The following PARD3 variants were observed in gnomAD, a reference collection of about 807,000 sequenced individuals.
The protein encoded by PARD3 is par-3 family cell polarity regulator, also known as partitioning defective 3 homolog.
In PARD3, 75 loss-of-function variants were observed where a neutral mutation model predicts 155.4. The ratio of observed to expected loss-of-function variants is 0.48; its 90% CI spans 0.40 to 0.58. The LOEUF (loss-of-function observed/expected upper bound fraction) is 0.58. Among genes scored for constraint, PARD3 ranks in the 20% least tolerant of loss-of-function variants. The pLI, the probability that PARD3 is intolerant of heterozygous loss-of-function variation, is 0.00. For synonymous variants in PARD3, 576 were observed against 610.5 expected (o/e 0.94, Z 0.83); for missense variants, 1,642 against 1,721.7 (o/e 0.95, Z 0.82).
chr10:34,368,533 A>C (rs1423582105), intron 12 of PARD3, among the ~76,000 whole-genome samples: 1 of 151,932 alleles, frequency 6.6e-6, no homozygotes, highest in Non-Finnish European at 1.5e-5. Flanking sequence ...TTAGCCAGGC[A>C]TGGTGGCGGG....
intron 2 of PARD3, among the ~76,000 whole-genome samples, chr10:34,557,497 G>A (rs914485139): frequency 4.0e-5 from 6 of 150,170 alleles, no homozygotes; most frequent in African/African-American, 1.5e-4. Context: ...TTGTTTTTTT[G>A]AGATGGAGTT....
intron 20 of PARD3, among the ~76,000 whole-genome samples, chr10:34,301,520 C>G (rs1366104548): frequency 6.6e-6 from 1 of 152,074 alleles, no homozygotes; most frequent in East Asian, 1.9e-4. Context: ...CTCTGGCCAC[C>G]TTCTATTACT....
intron 20 of PARD3, among the ~76,000 whole-genome samples, chr10:34,288,915 C>G (rs1441823238): frequency 6.6e-6 from 1 of 152,152 alleles, no homozygotes; most frequent in Non-Finnish European, 1.5e-5. Flanking sequence ...ACACTGGTAC[C>G]TCAGGAAGAA....
At chr10:34,240,185 A>G (rs1288227998) in intron 22 of PARD3, among the ~76,000 whole-genome samples, 1 of 152,236 alleles carries the variant, frequency 6.6e-6, no homozygotes. Flanking sequence ...ATGAAAGATC[A>G]TGCAGCCACT....
At chr10:34,577,290 G>C (rs557338011) in intron 2 of PARD3, among the ~76,000 whole-genome samples, 4 of 152,234 alleles carry the variant, frequency 2.6e-5, no homozygotes, top group African/African-American at 9.6e-5. Flanking sequence ...CAGAGTTTTA[G>C]CAAATGATGC....
intron 2 of PARD3, among the ~76,000 whole-genome samples, chr10:34,531,748 CTT>C (rs1281223806): frequency 6.6e-6 from 1 of 152,138 alleles, no homozygotes; most frequent in Non-Finnish European, 1.5e-5. Context: ...AATGTCATGA[CTT>C]TTCTCTCCTT....
rs771744323 is a variant in PARD3 at position 34,331,076 on chromosome 10, T to C, written c.2833+41A>G. ...CTGGAGCTCACTTTAAGAAATAGAG[T>C]CTAATTTTAATTATTATTCTTTCAG... On this transcript the variant is annotated intron_variant, in intron 19 of 24. Transcript: ENST00000374788. 4.7e-6 allele frequency: 7 copies of C among 1,505,196 alleles called. No individual in the cohort carries two copies. In the Admixed American group the frequency reaches 1.2e-4, roughly 25 times the overall value. 93.2% of individuals were successfully genotyped at this position (1,505,196 alleles called of 1,614,324 possible). A position where few individuals can be genotyped will look rare whatever the true frequency, so the allele number is the denominator to read the frequency against.
At chr10:34,500,470 G>A (rs771266373) in intron 3 of PARD3, among the ~76,000 whole-genome samples, 1 of 152,156 alleles carries the variant, frequency 6.6e-6, no homozygotes, top group African/African-American at 2.4e-5. Context: ...GGCCAGGCAC[G>A]GTGGCTCACA....
chr10:34,375,050 G>GAA, intron 10 of PARD3, 48 bp from the exon 11 acceptor site: 1 of 893,830 alleles, frequency 1.1e-6, no homozygotes, highest in Non-Finnish European at 1.6e-6. Flanking sequence ...GAAACAACAG[G>GAA]AAAACACACA....
intron 1 of PARD3, among the ~76,000 whole-genome samples, chr10:34,700,288 A>G (rs751475600): frequency 5.4e-4 from 82 of 152,206 alleles, no homozygotes; most frequent in Non-Finnish European, 9.7e-4. Flanking sequence ...TAGACAAAAC[A>G]TTTCCTAAGA....
At chr10:34,643,315 A>G (rs1166626598) in intron 2 of PARD3, among the ~76,000 whole-genome samples, 1 of 152,330 alleles carries the variant, frequency 6.6e-6, no homozygotes, top group African/African-American at 2.4e-5. Context: ...TCAAGTTTAC[A>G]GTGTGAGTGC....
chr10:34,499,036 T>C (rs2080484837), intron 3 of PARD3, among the ~76,000 whole-genome samples: 2 of 152,202 alleles, frequency 1.3e-5, no homozygotes, highest in African/African-American at 4.8e-5. Flanking sequence ...TTACTGTAGA[T>C]GAGTCCAGAG....
intron 20 of PARD3, among the ~76,000 whole-genome samples, chr10:34,315,169 G>C (rs1957934071): frequency 6.6e-6 from 1 of 152,134 alleles, no homozygotes; most frequent in Non-Finnish European, 1.5e-5. Flanking sequence ...TGTAGATAAT[G>C]ATCTAGAGAA....
chr10:34,758,187 C>T (rs1836986537), intron 1 of PARD3, among the ~76,000 whole-genome samples: 1 of 152,178 alleles, frequency 6.6e-6, no homozygotes, highest in South Asian at 2.1e-4. Context: ...ATGAGAAAAG[C>T]TAGGATAAAC....
chr10:34,278,551 C>T (rs979191266), intron 21 of PARD3, among the ~76,000 whole-genome samples: 1 of 152,214 alleles, frequency 6.6e-6, no homozygotes, highest in African/African-American at 2.4e-5. Flanking sequence ...GTTTCCCCCT[C>T]CTGTTCTTGT....
rs146089376 is a variant in PARD3, at chr10:34,599,089, C to T, written c.223-81930G>A. ...AGCGTTCCCCATTCTCTACAACCAT[C>T]ACCCGTCTCTCCCCACACTCCCCCA... is the stretch of plus-strand genomic sequence containing the variant. On this transcript the variant is annotated intron_variant, in intron 2 of 24. Transcript: ENST00000374788. Among the ~76,000 whole-genome samples, 440 of 152,298 alleles carry T rather than the reference C, an allele frequency of 2.9e-3. 2 individuals are homozygous for T. Among genetic ancestry groups the T allele is most frequent in the African/African-American group, 0.01 (417 of 41,566 alleles).
chr10:34,776,812 G>A (rs1839588418), intron 1 of PARD3, among the ~76,000 whole-genome samples: 1 of 117,750 alleles, frequency 8.5e-6, no homozygotes, highest in African/African-American at 3.3e-5. Context: ...CTATTTCCAA[G>A]TATTTTCAGT....
intron 20 of PARD3, among the ~76,000 whole-genome samples, chr10:34,303,332 T>C (rs565701907): frequency 1.3e-5 from 2 of 152,196 alleles, no homozygotes; most frequent in South Asian, 4.1e-4. Context: ...TTAGAGTACC[T>C]ACTTGCAGTT....
At chr10:34,207,459 C>G (rs1951533994) in intron 22 of PARD3, among the ~76,000 whole-genome samples, 1 of 152,088 alleles carries the variant, frequency 6.6e-6, no homozygotes, top group Admixed American at 6.6e-5. Flanking sequence ...GGGGTTCTGG[C>G]AAAAGCATTT....
Sources: gnomAD v4.1 joint callset for allele counts (sites outside exome capture counted in the v4.1 genomes callset) on GRCh38, gnomAD v4.1.1 for gene constraint, MANE v1.5 for transcripts, NCBI Gene and HGNC (gene_info 2026-07-23, HGNC 2026-07-21) for gene names.